KSR2: variants seen among roughly 807,000 people sequenced by gnomAD.
KSR2 encodes the protein kinase suppressor of ras 2.
In KSR2, 25 loss-of-function variants were observed where a neutral mutation model predicts 107.8. The ratio of observed to expected loss-of-function variants is 0.23; its 90% confidence interval spans 0.17 to 0.32. The LOEUF is 0.32. Among genes scored for constraint, KSR2 ranks in the 10% least tolerant of loss-of-function variants. KSR2 has a pLI of 1.00. For synonymous variants in KSR2, 480 were observed against 507.0 expected (o/e 0.95, Z 0.71); for missense variants, 887 against 1,268.9 (o/e 0.70, Z 4.57).
At chr12:117,642,450 T>TTGCA (rs1170764949) in intron 5 of KSR2, among the ~76,000 whole-genome samples, 1 of 152,174 alleles carries the variant, frequency 6.6e-6, no homozygotes, top group Non-Finnish European at 1.5e-5. Flanking sequence ...AGAGCCAACT[T>TTGCA]TGCAGCATCA....
At chr12:117,714,446 A>G (rs2136666057) in intron 4 of KSR2, among the ~76,000 whole-genome samples, 1 of 152,306 alleles carries the variant, frequency 6.6e-6, no homozygotes, top group African/African-American at 2.4e-5. Flanking sequence ...AGCGAAAAGG[A>G]AGAGGAGGAG....
At chr12:117,743,918 C>G (rs1888310385) in intron 4 of KSR2, among the ~76,000 whole-genome samples, 1 of 152,152 alleles carries the variant, frequency 6.6e-6, no homozygotes, top group Non-Finnish European at 1.5e-5. Flanking sequence ...CTCCAGATTC[C>G]AAGCCAAGAT....
intron 14 of KSR2, among the ~76,000 whole-genome samples, chr12:117,513,968 G>A (rs145812766): frequency 8.9e-4 from 135 of 152,224 alleles, no homozygotes; most frequent in Middle Eastern, 3.4e-3. Context: ...TACTTCAGAG[G>A]GTTGTTAATT....
At chr12:117,605,581 G>A (rs556347269) in intron 5 of KSR2, among the ~76,000 whole-genome samples, 2 of 152,040 alleles carry the variant, frequency 1.3e-5, no homozygotes, top group South Asian at 4.2e-4. Context: ...AGTATGTGTT[G>A]TTCCCCTTCC....
chr12:117,512,883 C>A (rs370798917), intron 14 of KSR2, among the ~76,000 whole-genome samples: 48 of 152,318 alleles, frequency 3.2e-4, no homozygotes, highest in African/African-American at 1.1e-3. Flanking sequence ...CAAACATTAA[C>A]AGAACCTTGC....
intron 5 of KSR2, among the ~76,000 whole-genome samples, chr12:117,601,526 G>A (rs1309774225): frequency 6.6e-6 from 1 of 152,032 alleles, no homozygotes; most frequent in African/African-American, 2.4e-5. Flanking sequence ...ACACAGATAG[G>A]GAGAACACTA....
intron 10 of KSR2, among the ~76,000 whole-genome samples, chr12:117,533,317 A>G (rs1875795101): frequency 1.3e-5 from 2 of 152,226 alleles, no homozygotes; most frequent in Non-Finnish European, 2.9e-5. Flanking sequence ...AGTAAGTCCT[A>G]CTATCTCAGG....
intron 1 of KSR2, among the ~76,000 whole-genome samples, chr12:117,862,792 C>T (rs11068702): frequency 0.15 from 21,594 of 147,924 alleles, 1,783 homozygotes; most frequent in Non-Finnish European, 0.18. Context: ...TACAGTGGCG[C>T]GATCTCGGCT....
intron 1 of KSR2, among the ~76,000 whole-genome samples, chr12:117,899,260 A>G (rs907682663): frequency 2.6e-5 from 4 of 152,150 alleles, no homozygotes; most frequent in Non-Finnish European, 4.4e-5. Flanking sequence ...TGTGGGGCTG[A>G]GACTGGAGTA....
At chr12:117,538,698 G>C (rs536580386) in intron 10 of KSR2, among the ~76,000 whole-genome samples, 1 of 152,318 alleles carries the variant, frequency 6.6e-6, no homozygotes, top group South Asian at 2.1e-4. Flanking sequence ...CCCTTGCAAT[G>C]TGGCTAGTGT....
intron 19 of KSR2, among the ~76,000 whole-genome samples, chr12:117,468,956 T>A (rs528599576): frequency 2.0e-5 from 3 of 152,124 alleles, no homozygotes; most frequent in Non-Finnish European, 4.4e-5. Flanking sequence ...GTGCCAACCA[T>A]GAATACCTGG....
At chr12:117,835,807 T>C (rs907096485) in intron 3 of KSR2, among the ~76,000 whole-genome samples, 1 of 151,528 alleles carries the variant, frequency 6.6e-6, no homozygotes, top group African/African-American at 2.4e-5. Flanking sequence ...AGTGCCAAGG[T>C]TGAGAAACCC....
chr12:117,865,341 A>C (rs1893435535), intron 1 of KSR2, among the ~76,000 whole-genome samples: 1 of 152,226 alleles, frequency 6.6e-6, no homozygotes, highest in Admixed American at 6.5e-5. Context: ...CATCATTGGC[A>C]ATATCTGCAA....
chr12:117,652,718 A>G (rs1883955946), intron 5 of KSR2, among the ~76,000 whole-genome samples: 1 of 152,234 alleles, frequency 6.6e-6, no homozygotes. Context: ...TTCAGGGACT[A>G]CTGGACACTG....
chr12:117,636,272 T>C (rs984826733), intron 5 of KSR2, among the ~76,000 whole-genome samples: 1 of 152,076 alleles, frequency 6.6e-6, no homozygotes, highest in Non-Finnish European at 1.5e-5. Context: ...CAATGAAATA[T>C]CTGCACTCCC....
At chr12:117,478,723 G>A (rs746698519) in intron 16 of KSR2, among the ~76,000 whole-genome samples, 4 of 152,132 alleles carry the variant, frequency 2.6e-5, no homozygotes, top group African/African-American at 9.7e-5. Flanking sequence ...CCAAAGTATT[G>A]AGATTATAGG....
intron 3 of KSR2, among the ~76,000 whole-genome samples, chr12:117,784,808 A>G (rs972934620): frequency 6.6e-6 from 1 of 152,182 alleles, no homozygotes. Context: ...CCAAAAGAAA[A>G]GAACTGGAGG....
intron 1 of KSR2, among the ~76,000 whole-genome samples, chr12:117,894,624 T>C (rs1471150947): frequency 6.6e-6 from 1 of 152,102 alleles, no homozygotes; most frequent in Non-Finnish European, 1.5e-5. Flanking sequence ...GATTGAATCA[T>C]GGGAGCAGAC....
At chr12:117,736,523 G>A (rs564747626) in intron 4 of KSR2, among the ~76,000 whole-genome samples, 2 of 152,240 alleles carry the variant, frequency 1.3e-5, no homozygotes, top group South Asian at 4.1e-4. Flanking sequence ...TAAAGAGTAA[G>A]AACCAGCCGG....
Sources: allele counts gnomAD v4.1 joint callset (sites outside exome capture counted in the v4.1 genomes callset), GRCh38; gene constraint gnomAD v4.1.1; transcripts MANE v1.5; gene names NCBI Gene and HGNC (gene_info 2026-07-23, HGNC 2026-07-21).